The following COPG2 variants were observed in gnomAD, a reference collection of about 807,000 sequenced individuals.
The protein encoded by COPG2 is coatomer subunit gamma-2.
A neutral mutation model predicts 46.3 loss-of-function variants in COPG2; 37 were observed. The observed-to-expected ratio is 0.80, with a 90% CI of 0.61 to 1.05. The LOEUF is 1.05. Among genes scored for constraint, COPG2 ranks in the 50% least tolerant of loss-of-function variants. The probability of loss-of-function intolerance (pLI) is 0.00; values close to 1 mark genes in which losing one functional copy is unlikely to be tolerated. For synonymous variants in COPG2, 159 were observed against 129.7 expected, an observed-to-expected ratio of 1.23 and a Z score of -1.53; for missense variants, 427 against 387.8, an observed-to-expected ratio of 1.10 and a Z score of -0.85.
intron 5 of COPG2, among the ~76,000 whole-genome samples, chr7:130,628,875 T>C (rs6467310): frequency 0.92 from 139,663 of 152,162 alleles, 64,254 homozygotes; most frequent in Middle Eastern, 0.96. Flanking sequence ...TGAGACCTCT[T>C]TCTACAAAAA....
intron 3 of COPG2, 150 bp downstream of exon 3, chr7:130,666,699 T>C: frequency 1.7e-6 from 1 of 573,848 alleles, no homozygotes. Context: ...GTACTCAAGT[T>C]TTACATATTA....
Position 130,668,747 on chromosome 7 carries a change from A to C in COPG2, c.-79T>G. On this transcript the variant is annotated 5_prime_UTR_variant, in exon 1 of 24. Coordinates refer to ENST00000425248, the MANE Select transcript of COPG2 (RefSeq NM_012133.6). ...CCGGCGAGCGGAAGAGGCTGCAGGA[A>C]GGCCGGCCCCGCGCTCTCACGCCGG... The C allele has an allele frequency of 4.1e-6, 6 of 1,464,134 alleles. No homozygotes were observed. The highest frequency in any genetic ancestry group is 4.6e-6 in the Non-Finnish European group (5 of 1,095,800). 90.7% of individuals were successfully genotyped at this position (1,464,134 alleles called of 1,614,324 possible).
chr7:130,599,865 A>G (rs1188287822), intron 9 of COPG2, among the ~76,000 whole-genome samples: 2 of 152,212 alleles, frequency 1.3e-5, no homozygotes, highest in African/African-American at 4.8e-5. Flanking sequence ...TGTGGTCATT[A>G]TAAGGGTGTT....
At chr7:130,617,348 A>T (rs1337477634) in intron 5 of COPG2, among the ~76,000 whole-genome samples, 1 of 152,142 alleles carries the variant, frequency 6.6e-6, no homozygotes, top group Admixed American at 6.5e-5. Context: ...AAACAAAACA[A>T]CCCCTTCCCC....
chr7:130,625,207 A>G (rs782640141), intron 5 of COPG2, among the ~76,000 whole-genome samples: 2 of 152,120 alleles, frequency 1.3e-5, no homozygotes, highest in Non-Finnish European at 2.9e-5. Context: ...CTGTCTGTAT[A>G]TCTTCTTTTG....
intron 9 of COPG2, chr7:130,603,803 C>T: frequency 9.7e-6 from 5 of 516,000 alleles, no homozygotes; most frequent in South Asian, 7.0e-5. Context: ...GATCCTCGAA[C>T]AACATGGGGT....
intron 20 of COPG2, among the ~76,000 whole-genome samples, chr7:130,522,457 T>C (rs1016636270): frequency 3.2e-4 from 49 of 152,180 alleles, no homozygotes; most frequent in Non-Finnish European, 5.4e-4. Flanking sequence ...ACAGAAAATA[T>C]TGTACGGGTG....
intron 5 of COPG2, among the ~76,000 whole-genome samples, chr7:130,635,604 A>T (rs1584597143): frequency 6.6e-6 from 1 of 151,650 alleles, no homozygotes; most frequent in East Asian, 1.9e-4. Flanking sequence ...TCTCTTCTTT[A>T]TTAGTCTGGC....
At chr7:130,616,253 G>A (rs1464909297) in intron 6 of COPG2, among the ~76,000 whole-genome samples, 1 of 152,152 alleles carries the variant, frequency 6.6e-6, no homozygotes, top group African/African-American at 2.4e-5. Context: ...GCTGTTTATT[G>A]TTGATTGTGT....
intron 9 of COPG2, among the ~76,000 whole-genome samples, chr7:130,593,748 T>C (rs1224656145): frequency 5.0e-5 from 7 of 140,720 alleles, no homozygotes; most frequent in African/African-American, 1.7e-4. Context: ...TGCTACCTTA[T>C]ACTATATCCA....
chr7:130,635,344 CT>C (rs1387288919), intron 5 of COPG2, among the ~76,000 whole-genome samples: 2 of 151,790 alleles, frequency 1.3e-5, no homozygotes, highest in Non-Finnish European at 2.9e-5. Context: ...TGGTCCTGGG[CT>C]TTTTTTGGTT....
intron 9 of COPG2, among the ~76,000 whole-genome samples, chr7:130,565,252 A>G (rs1353702479): frequency 6.6e-6 from 1 of 152,218 alleles, no homozygotes; most frequent in African/African-American, 2.4e-5. Flanking sequence ...GCACGCCCCA[A>G]CATACACAGC....
At chr7:130,521,716 T>A (rs1227355557) in intron 20 of COPG2, among the ~76,000 whole-genome samples, 2 of 152,184 alleles carry the variant, frequency 1.3e-5, no homozygotes, top group African/African-American at 4.8e-5. Context: ...TTTGGCAACA[T>A]TTCAGAGTAA....
chr7:130,647,250 G>A (rs1795630472), intron 5 of COPG2, among the ~76,000 whole-genome samples: 1 of 151,834 alleles, frequency 6.6e-6, no homozygotes, highest in Admixed American at 6.6e-5. Flanking sequence ...TGGCCAGGCT[G>A]GTCTCAAACT....
intron 9 of COPG2, among the ~76,000 whole-genome samples, chr7:130,577,230 G>C (rs550585026): frequency 6.6e-6 from 1 of 152,238 alleles, no homozygotes; most frequent in Non-Finnish European, 1.5e-5. Context: ...GCAGAAGACC[G>C]GTGATTTCTG....
chr7:130,522,584 G>A (rs1799732862), intron 20 of COPG2, among the ~76,000 whole-genome samples: 1 of 152,036 alleles, frequency 6.6e-6, no homozygotes, highest in Middle Eastern at 3.2e-3. Context: ...GTCGGAGGGC[G>A]AGTGTGGAGT....
chr7:130,530,022 T>A (rs1287160409), intron 20 of COPG2, among the ~76,000 whole-genome samples: 1 of 152,080 alleles, frequency 6.6e-6, no homozygotes, highest in East Asian at 1.9e-4. Context: ...GGAGAGAGTA[T>A]GCCCAGAGTT....
At chr7:130,604,394 G>C (rs1299816049) in intron 9 of COPG2, among the ~76,000 whole-genome samples, 3 of 152,038 alleles carry the variant, frequency 2.0e-5, no homozygotes, top group Non-Finnish European at 4.4e-5. Flanking sequence ...TTTCTGTGTA[G>C]AGATATACAC....
intron 5 of COPG2, among the ~76,000 whole-genome samples, chr7:130,635,831 G>A (rs1554456083): frequency 6.6e-6 from 1 of 151,974 alleles, no homozygotes; most frequent in African/African-American, 2.4e-5. Flanking sequence ...GCTTTCTCCT[G>A]TGGGCATTTA....
Sources: gnomAD v4.1 joint callset for allele counts (sites outside exome capture counted in the v4.1 genomes callset) on GRCh38, gnomAD v4.1.1 for gene constraint, MANE v1.5 for transcripts, NCBI Gene and HGNC (gene_info 2026-07-23, HGNC 2026-07-21) for gene names.